Variants in RETREG3 observed in about 807,000 individuals in gnomAD.
The protein encoded by RETREG3 is reticulophagy regulator family member 3, also known as reticulophagy regulator 3.
A neutral mutation model predicts 50.2 loss-of-function variants in RETREG3; 23 were observed. That is an observed-to-expected ratio of 0.46 (90% CI 0.33 to 0.65). RETREG3 has a LOEUF of 0.65. RETREG3 is among the 30% of genes least tolerant of loss of function. The probability of loss-of-function intolerance (pLI) is 0.02; values close to 1 mark genes in which losing one functional copy is unlikely to be tolerated. For missense variants in RETREG3, 546 were observed against 598.0 expected (o/e 0.91, Z 0.91); for synonymous variants, 240 against 234.4 (o/e 1.02, Z -0.22).
intron 5 of RETREG3, among the ~76,000 whole-genome samples, 175 bp from the exon 6 acceptor site, chr17:42,585,437 C>A (rs540887240): frequency 2.0e-5 from 3 of 152,308 alleles, no homozygotes; most frequent in South Asian, 2.1e-4. Flanking sequence ...TCTTTGAGGG[C>A]AGGGACTTCT....
chr17:42,585,115 T>C lies in RETREG3; in HGVS notation c.727+10A>G, dbSNP rs1385694137. On this transcript the variant is annotated intron_variant, in intron 6 of 8. Transcript: ENST00000309428. ...TGCGTAAGTGGAAAGAATGACACCA[T>C]GACACTTACATTGTCTCTCTCTCTG... The C allele has an allele frequency of 1.2e-6, 2 of 1,612,074 alleles. No homozygotes were observed. Among genetic ancestry groups the C allele is most frequent in the South Asian group, 2.2e-5 (2 of 91,064 alleles).
In RETREG3 at chr17:42,605,585, G is replaced by C. The variant is rs1232128977; in HGVS notation, c.239+3501C>G. The stretch of plus-strand genomic sequence containing the variant: ...GAAGCTCATTTCCCCAAACAATTCT[G>C]TGAACTCCAATGCCAGACTATCCAA... On this transcript the variant is annotated intron_variant, in intron 1 of 8. Coordinates refer to ENST00000309428, the MANE Select transcript of RETREG3 (RefSeq NM_178126.4). 2.0e-5 allele frequency among the ~76,000 whole-genome samples: 3 copies of C among 152,120 alleles called. No homozygotes were observed. The East Asian group carries it at 5.8e-4, about 29-fold the overall frequency.
intron 1 of RETREG3, among the ~76,000 whole-genome samples, chr17:42,595,697 C>T (rs1367795004): frequency 7.8e-6 from 1 of 127,784 alleles, no homozygotes; most frequent in Non-Finnish European, 1.6e-5. Context: ...GACGGAGTCT[C>T]TCTCTTGGTC....
intron 1 of RETREG3, among the ~76,000 whole-genome samples, chr17:42,605,706 T>C (rs1486522983): frequency 1.3e-5 from 2 of 152,120 alleles, no homozygotes; most frequent in African/African-American, 2.4e-5. Context: ...AAGAGTCACA[T>C]TGTCGGCCAG....
At chr17:42,598,793 C>T (rs1479129508) in intron 1 of RETREG3, 2 of 152,072 alleles carry the variant, frequency 1.3e-5, no homozygotes, top group African/African-American at 2.4e-5. Flanking sequence ...GGCTTCTTAC[C>T]ACAAGGCCTT....
intron 1 of RETREG3, among the ~76,000 whole-genome samples, chr17:42,602,893 T>C (rs2093161115): frequency 6.6e-6 from 1 of 152,088 alleles, no homozygotes; most frequent in Non-Finnish European, 1.5e-5. Flanking sequence ...CAATAAGCCA[T>C]GATCACACCA....
chr17:42,592,299 T>C (rs1198843433), intron 1 of RETREG3, 137 bp from the exon 2 acceptor site: 2 of 639,452 alleles, frequency 3.1e-6, no homozygotes, highest in Middle Eastern at 2.5e-4. Flanking sequence ...TAACTAGTTA[T>C]ACACCTAGGG....
At chr17:42,602,489 C>T (rs570112196) in intron 1 of RETREG3, among the ~76,000 whole-genome samples, 41 of 152,264 alleles carry the variant, frequency 2.7e-4, no homozygotes, top group African/African-American at 9.6e-4. Context: ...AACCCATACC[C>T]ATTAGTATTC....
intron 2 of RETREG3, among the ~76,000 whole-genome samples, chr17:42,591,819 A>T (rs1448711500): frequency 2.0e-5 from 3 of 152,106 alleles, no homozygotes; most frequent in African/African-American, 7.2e-5. Flanking sequence ...GGCAAAAATA[A>T]CTCAGGTGGT....
chr17:42,586,949 G>A (rs2093122636), intron 3 of RETREG3, 58 bp from the exon 4 acceptor site: 2 of 1,598,556 alleles, frequency 1.3e-6, no homozygotes, highest in Non-Finnish European at 1.7e-6. Context: ...CCCCCATCTT[G>A]CTGTGCAGGC....
In RETREG3 at chr17:42,582,289, G is replaced by A; in HGVS notation, c.944-19C>T. On this transcript the variant is annotated intron_variant, in intron 8 of 8. Transcript: ENST00000309428. ...TCTAGGTCTGGTGGAATACAGAAGTGTCTGAGTCATGGCACCTACCTGGCC... is the reference window on the plus strand; with the variant it reads ...TCTAGGTCTGGTGGAATACAGAAGTATCTGAGTCATGGCACCTACCTGGCC... 6.3e-7 allele frequency: 1 copy of A among 1,585,132 alleles called. No homozygotes were observed. The highest frequency in any genetic ancestry group is 8.5e-7 in the Non-Finnish European group (1 of 1,169,782).
intron 2 of RETREG3, among the ~76,000 whole-genome samples, chr17:42,591,817 T>C (rs1368521101): frequency 6.6e-6 from 1 of 152,182 alleles, no homozygotes; most frequent in East Asian, 1.9e-4. Flanking sequence ...TTGGCAAAAA[T>C]AACTCAGGTG....
At chr17:42,592,312 A>C in intron 1 of RETREG3, 150 bp from the exon 2 acceptor site, 1 of 601,008 alleles carries the variant, frequency 1.7e-6, no homozygotes, top group Non-Finnish European at 2.9e-6. Flanking sequence ...ACCTAGGGTA[A>C]ATCATTTAAA....
intron 3 of RETREG3, 32 bp from the exon 4 acceptor site, chr17:42,586,923 GA>G: frequency 6.2e-7 from 1 of 1,608,232 alleles, no homozygotes; most frequent in East Asian, 2.2e-5. Flanking sequence ...GCTGTGAAAG[GA>G]GGGTGTTGAG....
intron 1 of RETREG3, among the ~76,000 whole-genome samples, chr17:42,596,272 T>C (rs946414678): frequency 1.4e-5 from 2 of 144,754 alleles, no homozygotes. Context: ...CTCAGGAGGC[T>C]TGCTTGAGCC....
intron 1 of RETREG3, among the ~76,000 whole-genome samples, chr17:42,594,735 C>T: frequency 6.6e-6 from 1 of 151,490 alleles, no homozygotes; most frequent in Non-Finnish European, 1.5e-5. Context: ...CCTGTAGTCC[C>T]AGCTACTCGG....
chr17:42,590,515 T>C (rs550677610), intron 2 of RETREG3, among the ~76,000 whole-genome samples: 3 of 151,098 alleles, frequency 2.0e-5, no homozygotes, highest in African/African-American at 7.3e-5. Context: ...ATAGAAAAAA[T>C]ACAAAAATTA....
At chr17:42,605,927 G>T (rs1013761030) in intron 1 of RETREG3, among the ~76,000 whole-genome samples, 2 of 145,930 alleles carry the variant, frequency 1.4e-5, no homozygotes, top group South Asian at 4.3e-4. Flanking sequence ...GGAGGTGGAA[G>T]TTGCAGTGAG....
In RETREG3 at chr17:42,581,800, AG is replaced by A; in HGVS notation, c.*12del. 1 of 1,547,608 alleles carries A rather than the reference AG, an allele frequency of 6.5e-7. No homozygotes were observed. The highest frequency in any genetic ancestry group is 8.7e-7 in the Non-Finnish European group (1 of 1,147,408). On this transcript the variant is annotated 3_prime_UTR_variant, in exon 9 of 9. Coordinates refer to ENST00000309428, the MANE Select transcript of RETREG3 (RefSeq NM_178126.4). ...AACCTAAACCACAGTGACTCCCAAA[AG>A]GAGTCTCTGCCTCAGTGGCTCCTAG...
Sources: gnomAD v4.1 joint callset for allele counts (sites outside exome capture counted in the v4.1 genomes callset) on GRCh38, gnomAD v4.1.1 for gene constraint, MANE v1.5 for transcripts, NCBI Gene and HGNC (gene_info 2026-07-23, HGNC 2026-07-21) for gene names.